The following DAAM2 variants were observed in gnomAD, a reference collection of about 807,000 sequenced individuals.
The protein encoded by DAAM2 is dishevelled associated activator of morphogenesis 2.
DAAM2 carries 39 observed loss-of-function variants against 120.7 expected under a neutral mutation model. The ratio of observed to expected loss-of-function variants is 0.32; its 90% confidence interval spans 0.25 to 0.42. The LOEUF is 0.42. Ranked by LOEUF, DAAM2 falls within the 10% of genes least tolerant of loss-of-function variation. The pLI is 1.00. For missense variants in DAAM2, 1,283 were observed against 1,401.7 expected, an observed-to-expected ratio of 0.92 and a Z score of 1.35; for synonymous variants, 488 against 524.9, an observed-to-expected ratio of 0.93 and a Z score of 0.96.
At chr6:39,843,525 G>A (rs73428583) in intron 1 of DAAM2, among the ~76,000 whole-genome samples, 7,648 of 152,284 alleles carry the variant, frequency 0.05, 561 homozygotes, top group African/African-American at 0.17. Context: ...GCCTGCGCTG[G>A]CTGCTGGAGA....
intron 5 of DAAM2, among the ~76,000 whole-genome samples, chr6:39,865,463 G>A (rs1275663529): frequency 6.6e-6 from 1 of 152,230 alleles, no homozygotes; most frequent in East Asian, 1.9e-4. Context: ...AAAGAGGGAC[G>A]CACGGGTAGA....
At chr6:39,815,971 T>TTAACCCA (rs1762297535) in intron 1 of DAAM2, among the ~76,000 whole-genome samples, 1 of 152,180 alleles carries the variant, frequency 6.6e-6, no homozygotes, top group Non-Finnish European at 1.5e-5. Flanking sequence ...CAAAGACAAC[T>TTAACCCA]TCTAAAGAAT....
Position 39,864,518 on chromosome 6 carries a change from G to T in DAAM2, c.333+11G>T, listed in dbSNP as rs1562035742. 6.2e-7 allele frequency: 1 copy of T among 1,604,298 alleles called. No individual in the cohort carries two copies. The highest frequency in any genetic ancestry group is 1.7e-5 in the Admixed American group (1 of 59,220). ...AATTCCATGGCTGCGGTGAGTGGCTGCCCCTCTCCTGCCCTGCCCCCACCT... is the reference window on the plus strand; with the variant it reads ...AATTCCATGGCTGCGGTGAGTGGCTTCCCCTCTCCTGCCCTGCCCCCACCT... On this transcript the variant is annotated intron_variant, in intron 4 of 24. Transcript: ENST00000274867.
intron 1 of DAAM2, 62 bp downstream of exon 1, chr6:39,792,527 G>T (rs1302657265): frequency 6.6e-6 from 1 of 152,114 alleles, no homozygotes; most frequent in Non-Finnish European, 1.5e-5. Context: ...AGCCCTCTCC[G>T]CTGGGCTCCC....
At chr6:39,794,408 C>T (rs1342586938) in intron 1 of DAAM2, among the ~76,000 whole-genome samples, 3 of 152,134 alleles carry the variant, frequency 2.0e-5, no homozygotes, top group African/African-American at 7.2e-5. Flanking sequence ...TCCTAACTCC[C>T]AGCTGAGTTT....
rs1236837359 is a variant in DAAM2 at position 39,867,494 on chromosome 6, T to C, written c.429-16T>C. On this transcript the variant is annotated splice_polypyrimidine_tract_variant and intron_variant, in intron 5 of 24. Transcript: ENST00000274867. ...TCATATGCAAATATATGTTTGTTAATGGCTCTGATTTGTAGGTTTGTGACC... is the reference window on the plus strand; with the variant it reads ...TCATATGCAAATATATGTTTGTTAACGGCTCTGATTTGTAGGTTTGTGACC... 1.9e-6 allele frequency: 3 copies of C among 1,610,546 alleles called. No individual in the cohort carries two copies. Among genetic ancestry groups the C allele is most frequent in the African/African-American group, 1.3e-5 (1 of 74,874 alleles).
chr6:39,855,122 A>G (rs1032164257), intron 1 of DAAM2, among the ~76,000 whole-genome samples: 1 of 152,256 alleles, frequency 6.6e-6, no homozygotes, highest in African/African-American at 2.4e-5. Context: ...AAGATCTATA[A>G]GTATGGGATG....
chr6:39,892,620 G>A (rs1375535069), intron 19 of DAAM2, among the ~76,000 whole-genome samples: 3 of 152,110 alleles, frequency 2.0e-5, no homozygotes, highest in African/African-American at 7.2e-5. Flanking sequence ...CATTTGTGGG[G>A]AGGACAGGGT....
intron 1 of DAAM2, among the ~76,000 whole-genome samples, chr6:39,804,776 C>T (rs145437032): frequency 3.9e-5 from 6 of 152,118 alleles, no homozygotes; most frequent in East Asian, 1.9e-4. Flanking sequence ...TGAAGTGAGC[C>T]GGAAGGTGTA....
intron 3 of DAAM2, among the ~76,000 whole-genome samples, chr6:39,863,228 C>T (rs1236517076): frequency 6.6e-6 from 1 of 151,994 alleles, no homozygotes; most frequent in Non-Finnish European, 1.5e-5. Flanking sequence ...AATGACGAGC[C>T]AGCAAGTTTA....
At chr6:39,879,659 C>A in intron 14 of DAAM2, 182 bp downstream of exon 14, 1 of 731,532 alleles carries the variant, frequency 1.4e-6, no homozygotes, top group Non-Finnish European at 2.4e-6. Context: ...GTCAGAACAC[C>A]TACCCTGGGA....
In DAAM2 at chr6:39,901,030, A is replaced by G. The variant is rs1766445906; in HGVS notation, c.2812-272A>G. 6.6e-6 allele frequency among the ~76,000 whole-genome samples: 1 copy of G among 152,144 alleles called. No homozygotes were observed. Among genetic ancestry groups the G allele is most frequent in the African/African-American group, 2.4e-5 (1 of 41,426 alleles). On this transcript the variant is annotated intron_variant, in intron 23 of 24. Coordinates refer to ENST00000274867, the MANE Select transcript of DAAM2 (RefSeq NM_001201427.2). The surrounding 1 kb of genome is among the most constrained non-coding windows in gnomAD (Gnocchi z 4.5). ...CCTCAGGAAGGGCTTCCCAAGGTCT[A>G]TACCCCTGACCTCATGCCTACCCCT...
intron 1 of DAAM2, among the ~76,000 whole-genome samples, chr6:39,850,297 T>C (rs1763759847): frequency 6.6e-6 from 1 of 152,084 alleles, no homozygotes; most frequent in South Asian, 2.1e-4. Context: ...GATTTTCTCC[T>C]CTCTTTCAAG....
intron 1 of DAAM2, among the ~76,000 whole-genome samples, chr6:39,805,747 G>A (rs925680441): frequency 6.6e-6 from 1 of 152,006 alleles, no homozygotes; most frequent in African/African-American, 2.4e-5. Context: ...TAGAGACGGG[G>A]TTTCACCATG....
In DAAM2 at chr6:39,903,132, CGTTGGGGA is replaced by C. The variant is rs1766586215; in HGVS notation, c.*1101_*1108del. The C allele has an allele frequency of 2.6e-5, 4 of 152,388 alleles. No individual in the cohort carries two copies. In the South Asian group the frequency reaches 8.3e-4, roughly 32 times the overall value. The allele number at this position is 152,388 out of a possible 1,614,324, so 9.4% of individuals were successfully genotyped here. ...CCACTTGGAACCATGTGTCCACTGG[CGTTGGGGA>C]GTTGGTTCCTGAGAGGTCTGAGGGC... On this transcript the variant is annotated 3_prime_UTR_variant, in exon 25 of 25. Transcript: ENST00000274867.
intron 9 of DAAM2, among the ~76,000 whole-genome samples, chr6:39,872,758 G>A (rs1036095799): frequency 1.3e-5 from 2 of 152,074 alleles, no homozygotes; most frequent in Admixed American, 6.5e-5. Context: ...TAGATCTGGG[G>A]TTTGAACCCA....
chr6:39,874,685 C>A (rs557373215), intron 10 of DAAM2, among the ~76,000 whole-genome samples: 62 of 152,310 alleles, frequency 4.1e-4, no homozygotes, highest in African/African-American at 1.5e-3. Context: ...GTGGTTATTA[C>A]ATAAAAAGGA....
intron 1 of DAAM2, among the ~76,000 whole-genome samples, chr6:39,841,359 G>A (rs1183684404): frequency 1.4e-5 from 2 of 145,104 alleles, no homozygotes; most frequent in Non-Finnish European, 3.0e-5. Context: ...GCTCCAGGGG[G>A]AGGGAGTCCC....
intron 15 of DAAM2, chr6:39,886,257 T>C: frequency 2.5e-6 from 1 of 396,448 alleles, no homozygotes; most frequent in Non-Finnish European, 4.4e-6. Context: ...TCCTGTCTAG[T>C]GCCACTTATG....
Sources: gnomAD v4.1 joint callset for allele counts (sites outside exome capture counted in the v4.1 genomes callset) on GRCh38, gnomAD v4.1.1 for gene constraint, Gnocchi (gnomAD v3.1) non-coding constraint, MANE v1.5 for transcripts, NCBI Gene and HGNC (gene_info 2026-07-23, HGNC 2026-07-21) for gene names.